The following HS2ST1 variants were observed in gnomAD, a reference collection of about 807,000 sequenced individuals.
HS2ST1 encodes the protein 2-O-sulfotransferase.
In HS2ST1, 18 loss-of-function variants were observed where a neutral mutation model predicts 42.9. The observed-to-expected ratio is 0.42, with a 90% confidence interval of 0.29 to 0.62. The LOEUF (loss-of-function observed/expected upper bound fraction) is 0.62, where lower values mean the gene tolerates loss of function less well. HS2ST1 is among the 20% of genes least tolerant of loss of function. The probability of loss-of-function intolerance (pLI) is 0.21; values close to 1 mark genes in which losing one functional copy is unlikely to be tolerated. For missense variants in HS2ST1, 334 were observed against 433.8 expected (o/e 0.77, Z 2.04); for synonymous variants, 146 against 152.9 (o/e 0.95, Z 0.33).
intron 1 of HS2ST1, among the ~76,000 whole-genome samples, chr1:87,068,547 A>C (rs1651313435): frequency 6.6e-6 from 1 of 152,144 alleles, no homozygotes; most frequent in Non-Finnish European, 1.5e-5. Context: ...AATACCCTTT[A>C]TTTCTTTCTC....
chr1:86,978,832 C>A (rs1014191818), intron 1 of HS2ST1, among the ~76,000 whole-genome samples: 1 of 146,920 alleles, frequency 6.8e-6, no homozygotes, highest in Non-Finnish European at 1.5e-5. Context: ...ATACTGATTC[C>A]TGATTCCTAA....
At chr1:87,048,861 G>A (rs1192977708) in intron 1 of HS2ST1, among the ~76,000 whole-genome samples, 3 of 152,078 alleles carry the variant, frequency 2.0e-5, no homozygotes, top group Non-Finnish European at 4.4e-5. Context: ...TTCACTAAAT[G>A]TTGTTAATTT....
chr1:87,048,787 T>TGC (rs1650761208), intron 1 of HS2ST1, among the ~76,000 whole-genome samples: 2 of 151,370 alleles, frequency 1.3e-5, no homozygotes, highest in Non-Finnish European at 3.0e-5. Context: ...ACATTGACTT[T>TGC]TGCATGTTAA....
chr1:87,015,891 ACTGCAACCTCCAACTC>A (rs1380996538), intron 1 of HS2ST1, among the ~76,000 whole-genome samples: 2 of 151,602 alleles, frequency 1.3e-5, no homozygotes, highest in Non-Finnish European at 2.9e-5. Context: ...ATCTAGGCTC[ACTGCAACCTCCAACTC>A]CTGGGTTTAA....
intron 1 of HS2ST1, among the ~76,000 whole-genome samples, chr1:86,958,663 G>A (rs989786195): frequency 8.5e-5 from 13 of 152,204 alleles, no homozygotes; most frequent in Admixed American, 6.5e-4. Context: ...TGCATTTAAG[G>A]AAGAAATTAT....
intron 1 of HS2ST1, among the ~76,000 whole-genome samples, chr1:86,916,686 TTTTTC>T (rs1660164233): frequency 6.6e-6 from 1 of 152,180 alleles, no homozygotes; most frequent in Admixed American, 6.5e-5. Context: ...TCCAGTCTGG[TTTTTC>T]TTTTCTTTTG....
chr1:87,004,368 G>A (rs548357379), intron 1 of HS2ST1, among the ~76,000 whole-genome samples: 1 of 152,280 alleles, frequency 6.6e-6, no homozygotes, highest in South Asian at 2.1e-4. Context: ...TCCAGCCTGG[G>A]CGATGGAGGG....
chr1:87,098,133 T>G lies in HS2ST1; in HGVS notation c.686+198T>G, dbSNP rs914756945. 4.8e-6 allele frequency: 6 copies of G among 1,260,310 alleles called. No individual in the cohort carries two copies. The African/African-American group carries it at 9.3e-5, about 20-fold the overall frequency. The allele number at this position is 1,260,310 out of a possible 1,614,324, so 78.1% of individuals were successfully genotyped here. On this transcript the variant is annotated intron_variant, in intron 5 of 6. Transcript: ENST00000370550. ...CCTCATGTAGAGTGATATCCTAATA[T>G]CCTTGCATTGTTTTCTGAGATGCCG...
chr1:87,029,733 A>G (rs940063575), intron 1 of HS2ST1, among the ~76,000 whole-genome samples: 2 of 152,218 alleles, frequency 1.3e-5, no homozygotes, highest in Non-Finnish European at 2.9e-5. Flanking sequence ...AAGAAGAGGT[A>G]CCTAATTTAG....
At chr1:87,027,562 A>G (rs1211131796) in intron 1 of HS2ST1, among the ~76,000 whole-genome samples, 2 of 152,230 alleles carry the variant, frequency 1.3e-5, no homozygotes, top group African/African-American at 2.4e-5. Context: ...TGAAAATAAA[A>G]AAGATGATGT....
At chr1:87,047,729 A>G (rs982294086) in intron 1 of HS2ST1, among the ~76,000 whole-genome samples, 4 of 152,148 alleles carry the variant, frequency 2.6e-5, no homozygotes, top group Admixed American at 1.3e-4. Flanking sequence ...TCATATTTGT[A>G]TCCAAGTTTT....
rs922037760 is a variant in HS2ST1 at position 87,109,006 on chromosome 1, C to G, written c.*4310C>G. The G allele has an allele frequency of 3.3e-5, 5 of 152,450 alleles. No homozygotes were observed. The highest frequency in any genetic ancestry group is 7.2e-5 in the African/African-American group (3 of 41,412). 9.4% of individuals were successfully genotyped at this position (152,450 alleles called of 1,614,324 possible). Reference sequence around the variant, plus strand: ...TCTCTTCTCTCTCCCTGCCCTCCCCCACTCCATTCAGTTGATTCATTTATG... The same window carrying G: ...TCTCTTCTCTCTCCCTGCCCTCCCCGACTCCATTCAGTTGATTCATTTATG... On this transcript the variant is annotated 3_prime_UTR_variant, in exon 7 of 7. Transcript: ENST00000370550.
intron 1 of HS2ST1, among the ~76,000 whole-genome samples, chr1:86,937,835 G>A (rs549283717): frequency 2.0e-3 from 296 of 150,524 alleles, no homozygotes; most frequent in Non-Finnish European, 3.0e-3. Flanking sequence ...ATTGGCATTC[G>A]TTGGTACCTT....
chr1:87,004,510 A>G (rs1649381361), intron 1 of HS2ST1, among the ~76,000 whole-genome samples: 1 of 152,126 alleles, frequency 6.6e-6, no homozygotes, highest in Non-Finnish European at 1.5e-5. Context: ...TATATATAAC[A>G]TTGTTAAGGG....
chr1:87,031,586 T>TA (rs1650239194), intron 1 of HS2ST1, among the ~76,000 whole-genome samples: 1 of 152,240 alleles, frequency 6.6e-6, no homozygotes, highest in Non-Finnish European at 1.5e-5. Context: ...CATTCTTTTT[T>TA]TGGTAGCAAG....
chr1:86,993,204 A>T (rs1649008957), intron 1 of HS2ST1: 7 of 1,515,544 alleles, frequency 4.6e-6, no homozygotes, highest in Admixed American at 4.0e-5. Flanking sequence ...ATCCCCTGTG[A>T]TAAAAGGTAC....
At chr1:86,961,142 A>T (rs138276643) in intron 1 of HS2ST1, among the ~76,000 whole-genome samples, 1 of 1,940 alleles carries the variant, frequency 5.2e-4, no homozygotes, top group South Asian at 0.062. Flanking sequence ...TCTATTTAAT[A>T]AAAAAAAAAA....
chr1:86,920,556 A>G (rs1007754446), intron 1 of HS2ST1, among the ~76,000 whole-genome samples: 1 of 152,174 alleles, frequency 6.6e-6, no homozygotes, highest in Non-Finnish European at 1.5e-5. Flanking sequence ...CACCTGAAAT[A>G]GTTGATCTCA....
intron 1 of HS2ST1, among the ~76,000 whole-genome samples, chr1:86,917,704 A>G (rs1181955295): frequency 1.3e-5 from 2 of 152,214 alleles, no homozygotes; most frequent in African/African-American, 4.8e-5. Context: ...AAGACTTTAT[A>G]TTGACATTAC....
Sources: allele counts gnomAD v4.1 joint callset (sites outside exome capture counted in the v4.1 genomes callset), GRCh38; gene constraint gnomAD v4.1.1; transcripts MANE v1.5; gene names NCBI Gene and HGNC (gene_info 2026-07-23, HGNC 2026-07-21).